The following MAX variants were observed in gnomAD, a reference collection of about 807,000 sequenced individuals.
MAX encodes the protein protein max.
Under a neutral mutation model 22.3 loss-of-function variants are expected in MAX, and 3 were observed. The ratio of observed to expected loss-of-function variants is 0.13; its 90% CI spans 0.06 to 0.35. The LOEUF is 0.35. Among genes scored for constraint, MAX ranks in the 10% least tolerant of loss-of-function variants. The pLI, the probability that MAX is intolerant of heterozygous loss-of-function variation, is 1.00. For synonymous variants in MAX, 72 were observed against 77.7 expected, an observed-to-expected ratio of 0.93 and a Z score of 0.39; for missense variants, 119 against 209.4, an observed-to-expected ratio of 0.57 and a Z score of 2.66.
chr14:65,053,625 T>TAAAAAAAAACAACAA (rs201558638), intron 3 of MAX, among the ~76,000 whole-genome samples: 1 of 146,246 alleles, frequency 6.8e-6, no homozygotes, highest in African/African-American at 2.7e-5. Context: ...CTTCTTTTTT[T>TAAAAAAAAACAACAA]TAAAAAAAAC....
chr14:65,037,402 CCTTTTTTTTTTTTTTTTTTTT>C (rs1295909716), intron 3 of MAX, among the ~76,000 whole-genome samples: 977 of 14,482 alleles, frequency 0.067, 116 homozygotes, highest in African/African-American at 0.18. Flanking sequence ...CACGCCGGGC[CCTTTTTTTTTTTTTTTTTTTT>C]TTTTTTTTTT....
rs1566868572 is a variant in MAX, at chr14:65,011,923, C to T, written c.172-5639G>A. Among the ~76,000 whole-genome samples the T allele has an allele frequency of 1.3e-5, 2 of 152,084 alleles. No homozygotes were observed. The highest frequency in any genetic ancestry group is 2.1e-4 in the South Asian group (1 of 4,804). On this transcript the variant is annotated intron_variant, in intron 3 of 3. Transcript: ENST00000341653. This position sits in a 1 kb window ranked among gnomAD's most constrained non-coding sequence, Gnocchi z 4.0. ...GACAGCGGCTGAGGCAGGGAAGTGG[C>T]GAGGCTCAGATTTAAATTGCTTATA...
Position 65,076,610 on chromosome 14 carries a change from A to C in MAX, c.349T>G (p.Ser117Ala), listed in dbSNP as rs1483314784. The change falls in exon 5 of 5, where the codon TCC becomes GCC. Residue 117 changes from serine (S) to alanine (A), a missense_variant. By Grantham distance (99) the Ser-to-Ala change is moderately conservative. Transcript: ENST00000358664. The surrounding 1 kb of genome is among the most constrained non-coding windows in gnomAD (Gnocchi z 6.6). Reference protein sequence around the residue: ...SSAQLQTNYPSSDNSLYTNAK... With the variant: ...SSAQLQTNYPASDNSLYTNAK... ...TTGGTGTAGAGGCTGTTGTCTGAGG[A>C]GGGGTAGTTGGTCTGCAGTTGGGCA... 1.9e-6 allele frequency: 3 copies of C among 1,613,738 alleles called. No individual in the cohort carries two copies. Among genetic ancestry groups the C allele is most frequent in the Non-Finnish European group, 2.5e-6 (3 of 1,179,930 alleles).
Position 65,029,402 on chromosome 14 carries a change from C to T in MAX, c.172-23118G>A, listed in dbSNP as rs1425399205. Among the ~76,000 whole-genome samples the T allele has an allele frequency of 1.3e-5, 2 of 152,164 alleles. No homozygotes were observed. The highest frequency in any genetic ancestry group is 4.8e-5 in the African/African-American group (2 of 41,430). On this transcript the variant is annotated intron_variant, in intron 3 of 3. Transcript: ENST00000341653. This position sits in a 1 kb window ranked among gnomAD's most constrained non-coding sequence, Gnocchi z 4.7. ...AGAGTTTGACATCTGGAGACTAGCTCGCTGCCCTTCTGGGATAGACAGCAG... is the reference window on the plus strand; with the variant it reads ...AGAGTTTGACATCTGGAGACTAGCTTGCTGCCCTTCTGGGATAGACAGCAG...
At position 65,027,433 on chromosome 14, in the gene MAX, C is replaced by T. The variant is rs770298384; in HGVS notation, c.172-21149G>A. 13 of 1,611,818 alleles carry T rather than the reference C, an allele frequency of 8.1e-6. No individual in the cohort carries two copies. Among genetic ancestry groups the T allele is most frequent in the Non-Finnish European group, 1.1e-5 (13 of 1,179,252 alleles). On this transcript the variant is annotated intron_variant, in intron 3 of 3. Coordinates refer to the MAX transcript ENST00000341653. This position sits in a 1 kb window ranked among gnomAD's most constrained non-coding sequence, Gnocchi z 5.7. ...TGAATGCTCTCTGACTTTGTTTTTG[C>T]CCTTTGGCTGTGTACCTAGTGTGTG...
At chr14:65,053,876 G>A (rs1432456772) in intron 3 of MAX, among the ~76,000 whole-genome samples, 1 of 152,072 alleles carries the variant, frequency 6.6e-6, no homozygotes, top group Non-Finnish European at 1.5e-5. Context: ...GGGAAGGCCT[G>A]GTCCCACAAT....
intron 3 of MAX, among the ~76,000 whole-genome samples, chr14:65,060,661 A>G (rs1229537895): frequency 1.0e-5 from 1 of 96,186 alleles, no homozygotes; most frequent in East Asian, 3.2e-4. Flanking sequence ...CCGCCACTGC[A>G]CTCCAGCCTG....
chr14:65,070,375 A>G (rs528629396), downstream of MAX, among the ~76,000 whole-genome samples: 1 of 152,316 alleles, frequency 6.6e-6, no homozygotes, highest in Admixed American at 6.5e-5. This position sits in a 1 kb window ranked among gnomAD's most constrained non-coding sequence, Gnocchi z 4.4. Flanking sequence ...ATTTACTGGA[A>G]AAAATTAATA....
chr14:65,009,828 C>T lies in MAX; in HGVS notation c.172-3544G>A, dbSNP rs1217421012. On this transcript the variant is annotated intron_variant, in intron 3 of 3. Transcript: ENST00000341653. The surrounding 1 kb of genome is among the most constrained non-coding windows in gnomAD (Gnocchi z 4.2). The stretch of plus-strand genomic sequence containing the variant: ...TCCCTTTGGGAAGAGTTTTCTGACC[C>T]TCCATCTCTTCCCGTGGCTGATCAC... 6.6e-6 allele frequency among the ~76,000 whole-genome samples: 1 copy of T among 152,136 alleles called. No homozygotes were observed. Among genetic ancestry groups the T allele is most frequent in the African/African-American group, 2.4e-5 (1 of 41,424 alleles).
chr14:65,082,276 G>A lies in MAX; in HGVS notation c.172-4240C>T, dbSNP rs200156204. ...ACTGTTGTCATGGAGGGGAAAGTTG[G>A]AGGAGGAAAAGGACTACGAAAGTCA... On this transcript the variant is annotated intron_variant, in intron 3 of 4. Coordinates refer to ENST00000358664, the MANE Select transcript of MAX (RefSeq NM_002382.5). This position sits in a 1 kb window ranked among gnomAD's most constrained non-coding sequence, Gnocchi z 4.8. 1 of 81,872 alleles carries A rather than the reference G, an allele frequency of 1.2e-5. No homozygotes were observed. Among genetic ancestry groups the A allele is most frequent in the Non-Finnish European group, 3.4e-5 (1 of 29,694 alleles). The allele number at this position is 81,872 out of a possible 1,614,324, so 5.1% of individuals were successfully genotyped here.
Position 65,012,229 on chromosome 14 carries a change from T to TG in MAX, c.172-5946_172-5945insC, listed in dbSNP as rs2061694531. 11 of 1,544,596 alleles carry TG rather than the reference T, an allele frequency of 7.1e-6. No individual in the cohort carries two copies. The highest frequency in any genetic ancestry group is 8.0e-6 in the Non-Finnish European group (9 of 1,121,696). On this transcript the variant is annotated intron_variant, in intron 3 of 3. Transcript: ENST00000341653. This position sits in a 1 kb window ranked among gnomAD's most constrained non-coding sequence, Gnocchi z 5.0. Reference sequence around the variant, plus strand: ...CAGGGGGACGTCCTGAAGCTGAGTGTTTACCCGTGTGTGTGTACGTGCACA... The same window carrying TG: ...CAGGGGGACGTCCTGAAGCTGAGTGTGTTACCCGTGTGTGTGTACGTGCACA...
chr14:65,014,856 C>T lies in MAX; in HGVS notation c.172-8572G>A, dbSNP rs2061740591. Among the ~76,000 whole-genome samples, 1 of 152,098 alleles carries T rather than the reference C, an allele frequency of 6.6e-6. No homozygotes were observed. On this transcript the variant is annotated intron_variant, in intron 3 of 3. Coordinates refer to the MAX transcript ENST00000341653. This position sits in a 1 kb window ranked among gnomAD's most constrained non-coding sequence, Gnocchi z 5.1. ...AAACCAAATTTTATTATCATCCCCCCAGTGTCTAATACAGTGCTTGGCACA... is the reference window on the plus strand; with the variant it reads ...AAACCAAATTTTATTATCATCCCCCTAGTGTCTAATACAGTGCTTGGCACA...
chr14:65,091,339 T>C (rs1371548582), intron 3 of MAX, among the ~76,000 whole-genome samples: 3 of 152,230 alleles, frequency 2.0e-5, no homozygotes, highest in Non-Finnish European at 4.4e-5. Flanking sequence ...TGAGAGCTTA[T>C]AGACATTTCC....
chr14:65,007,275 T>A lies in MAX; in HGVS notation c.172-991A>T, dbSNP rs1470943530. On this transcript the variant is annotated intron_variant, in intron 3 of 3. Coordinates refer to the MAX transcript ENST00000341653. The surrounding 1 kb of genome is among the most constrained non-coding windows in gnomAD (Gnocchi z 4.9). ...CATATTAATAGTCAAAATTTAAAAG[T>A]CTGACACTTTAATACAGGAAGTAAC... Among the ~76,000 whole-genome samples the A allele has an allele frequency of 2.0e-5, 3 of 152,244 alleles. No homozygotes were observed. Among genetic ancestry groups the A allele is most frequent in the Admixed American group, 2.0e-4 (3 of 15,288 alleles).
chr14:65,015,202 A>G (rs2061747354), intron 3 of MAX, among the ~76,000 whole-genome samples: 1 of 150,736 alleles, frequency 6.6e-6, no homozygotes, highest in Non-Finnish European at 1.5e-5. Context: ...TCCCGGGTTC[A>G]AGTGATTCTC....
At chr14:65,061,238 T>G (rs1313947079) in intron 3 of MAX, 1 of 1,614,054 alleles carries the variant, frequency 6.2e-7, no homozygotes, top group Non-Finnish European at 8.5e-7. Context: ...GGCCACTACA[T>G]ACTTTCTACA....
Position 65,031,764 on chromosome 14 carries a change from T to C in MAX, c.172-25480A>G, listed in dbSNP as rs938852582. Among the ~76,000 whole-genome samples, 45 of 152,074 alleles carry C rather than the reference T, an allele frequency of 3.0e-4. No individual in the cohort carries two copies. The highest frequency in any genetic ancestry group is 3.4e-3 in the Middle Eastern group (1 of 294). ...GGCGAAACCCCATCTCCACTAAAAA[T>C]AGAAAAATAAGCCAGGCATGGTGGC... is the stretch of plus-strand genomic sequence containing the variant. On this transcript the variant is annotated intron_variant, in intron 3 of 3. Transcript: ENST00000341653. This position sits in a 1 kb window ranked among gnomAD's most constrained non-coding sequence, Gnocchi z 4.6.
chr14:65,044,493 C>T lies in MAX; in HGVS notation c.172-38209G>A. On this transcript the variant is annotated intron_variant, in intron 3 of 3. Transcript: ENST00000341653. This position sits in a 1 kb window ranked among gnomAD's most constrained non-coding sequence, Gnocchi z 5.5. ...GGGGCTGGATGATTTCCCTCCACTA[C>T]TCACAAAGTCTGGAAGCCCAGCGTG... The T allele has an allele frequency of 6.4e-7, 1 of 1,567,096 alleles. No homozygotes were observed. Among genetic ancestry groups the T allele is most frequent in the Non-Finnish European group, 8.6e-7 (1 of 1,161,822 alleles).
chr14:65,090,806 C>G (rs140811562), intron 3 of MAX, among the ~76,000 whole-genome samples: 2 of 152,178 alleles, frequency 1.3e-5, no homozygotes, highest in African/African-American at 4.8e-5. Flanking sequence ...CCCAGCCAAC[C>G]ATTTTTTAAA....
Sources: allele counts gnomAD v4.1 joint callset (sites outside exome capture counted in the v4.1 genomes callset), GRCh38; gene constraint gnomAD v4.1.1; non-coding constraint Gnocchi (gnomAD v3.1); transcripts MANE v1.5; gene names NCBI Gene and HGNC (gene_info 2026-07-23, HGNC 2026-07-21).